MGMT: variants seen among roughly 807,000 people sequenced by gnomAD.
MGMT encodes O-6-methylguanine-DNA methyltransferase.
In MGMT, 14 loss-of-function variants were observed where a neutral mutation model predicts 15.9. The ratio of observed to expected loss-of-function variants is 0.88; its 90% CI spans 0.58 to 1.37. The LOEUF is 1.37. Among genes scored for constraint, MGMT ranks in the 40% most tolerant of loss-of-function variants. The pLI, the probability that MGMT is intolerant of heterozygous loss-of-function variation, is 0.00. For synonymous variants in MGMT, 130 were observed against 118.2 expected (o/e 1.10, Z -0.65); for missense variants, 282 against 268.1 (o/e 1.05, Z -0.36).
At chr10:129,613,860 G>A (rs1341224484) in intron 2 of MGMT, among the ~76,000 whole-genome samples, 1 of 152,192 alleles carries the variant, frequency 6.6e-6, no homozygotes, top group African/African-American at 2.4e-5. Context: ...TGCCTTTTGT[G>A]CCTATGGAAC....
chr10:129,756,104 G>A (rs1049485697), intron 3 of MGMT, among the ~76,000 whole-genome samples: 4 of 152,242 alleles, frequency 2.6e-5, no homozygotes, highest in Non-Finnish European at 4.4e-5. Flanking sequence ...GACCCTTGGC[G>A]GAGGATGCAC....
At chr10:129,475,673 C>T (rs1259963633) in intron 1 of MGMT, among the ~76,000 whole-genome samples, 1 of 152,182 alleles carries the variant, frequency 6.6e-6, no homozygotes, top group Non-Finnish European at 1.5e-5. Flanking sequence ...AGTGCCTCTG[C>T]AGGCCGTCAG....
rs553876786 is a variant in MGMT, at chr10:129,754,405, C to T, written c.275-4797C>T. Among the ~76,000 whole-genome samples the T allele has an allele frequency of 3.0e-4, 45 of 152,258 alleles. No homozygotes were observed. The South Asian group carries it at 9.4e-3, about 32-fold the overall frequency. ...TCGCCCACCTCTTAGGGGGAGCACA[C>T]CTCTTCCCATCAGAAAGGGACCATC... On this transcript the variant is annotated intron_variant, in intron 3 of 4. Transcript: ENST00000651593.
intron 2 of MGMT, among the ~76,000 whole-genome samples, chr10:129,653,434 C>T (rs1200665954): frequency 6.6e-6 from 1 of 152,236 alleles, no homozygotes; most frequent in Non-Finnish European, 1.5e-5. Context: ...TTGAGGTGAT[C>T]CTGTAATTGC....
intron 1 of MGMT, among the ~76,000 whole-genome samples, chr10:129,524,523 G>C (rs1056190978): frequency 6.8e-6 from 1 of 148,006 alleles, no homozygotes; most frequent in Non-Finnish European, 1.5e-5. Context: ...AAGTGGTAAA[G>C]CCTTTTATGA....
chr10:129,713,932 G>T (rs1366805365), intron 3 of MGMT, among the ~76,000 whole-genome samples: 1 of 152,218 alleles, frequency 6.6e-6, no homozygotes, highest in South Asian at 2.1e-4. Context: ...CATTGATGCT[G>T]TTCCCTTCCC....
At chr10:129,698,493 TTTACAGATATAC>T (rs1244939022) in intron 2 of MGMT, among the ~76,000 whole-genome samples, 1 of 152,180 alleles carries the variant, frequency 6.6e-6, no homozygotes, top group Non-Finnish European at 1.5e-5. Context: ...AGTTTATATC[TTTACAGATATAC>T]AAGCACTTTA....
chr10:129,571,131 C>T (rs930103940), intron 2 of MGMT, among the ~76,000 whole-genome samples: 7 of 152,088 alleles, frequency 4.6e-5, no homozygotes, highest in Admixed American at 3.9e-4. Flanking sequence ...TCCCTATTTC[C>T]GCAGTTCAAA....
intron 1 of MGMT, among the ~76,000 whole-genome samples, chr10:129,526,937 C>G (rs927149696): frequency 6.6e-6 from 1 of 152,194 alleles, no homozygotes; most frequent in South Asian, 2.1e-4. Context: ...GGAGATGAAA[C>G]GAAATTCATT....
chr10:129,509,005 CAAA>C (rs1267310271), intron 1 of MGMT, among the ~76,000 whole-genome samples: 3 of 152,134 alleles, frequency 2.0e-5, no homozygotes, highest in East Asian at 3.9e-4. Flanking sequence ...TCAGTAAAAT[CAAA>C]TAACTTGGCA....
At chr10:129,518,450 C>G in intron 1 of MGMT, among the ~76,000 whole-genome samples, 1 of 148,850 alleles carries the variant, frequency 6.7e-6, no homozygotes, top group Admixed American at 6.7e-5. Flanking sequence ...TCAGCCACCG[C>G]AGAGACAGCA....
At position 129,566,766 on chromosome 10, in the gene MGMT, C is replaced by T. The variant is rs1846359678; in HGVS notation, c.125+30389C>T. On this transcript the variant is annotated intron_variant, in intron 2 of 4. Transcript: ENST00000651593. The surrounding 1 kb of genome is among the most constrained non-coding windows in gnomAD (Gnocchi z 4.1). ...ATGAAGTTGGTATTCCTCAGCTCTG[C>T]CCCAGGGTCCCTCTGATTCCACGGA... Among the ~76,000 whole-genome samples, 1 of 152,114 alleles carries T rather than the reference C, an allele frequency of 6.6e-6. No individual in the cohort carries two copies. The highest frequency in any genetic ancestry group is 2.4e-5 in the African/African-American group (1 of 41,422).
intron 1 of MGMT, among the ~76,000 whole-genome samples, chr10:129,519,488 T>A (rs1351613249): frequency 6.6e-6 from 1 of 152,246 alleles, no homozygotes; most frequent in Non-Finnish European, 1.5e-5. Context: ...CTTCCTCTGC[T>A]GCGTGGCCTT....
intron 4 of MGMT, among the ~76,000 whole-genome samples, chr10:129,765,882 C>T (rs1156313796): frequency 6.6e-6 from 1 of 152,170 alleles, no homozygotes; most frequent in East Asian, 1.9e-4. Flanking sequence ...CACCTGCCCC[C>T]ACCCACCACA....
chr10:129,629,362 G>A (rs1243080421), intron 2 of MGMT, among the ~76,000 whole-genome samples: 2 of 152,130 alleles, frequency 1.3e-5, no homozygotes, highest in Non-Finnish European at 2.9e-5. Flanking sequence ...AGACACACTG[G>A]GGATGTGCTG....
chr10:129,531,231 C>T (rs995591635), intron 1 of MGMT, among the ~76,000 whole-genome samples: 6 of 152,108 alleles, frequency 3.9e-5, no homozygotes, highest in Non-Finnish European at 8.8e-5. Context: ...GGGTCTGGGG[C>T]ATGGCGGTAT....
intron 2 of MGMT, among the ~76,000 whole-genome samples, chr10:129,706,572 C>G (rs533479599): frequency 6.6e-6 from 1 of 152,288 alleles, no homozygotes; most frequent in African/African-American, 2.4e-5. Flanking sequence ...AACTTCCGTG[C>G]TCCAAGCCTG....
chr10:129,578,588 CAAGTT>C (rs2133044793), intron 2 of MGMT, among the ~76,000 whole-genome samples: 1 of 152,180 alleles, frequency 6.6e-6, no homozygotes, highest in African/African-American at 2.4e-5. Context: ...TGCTAAATGA[CAAGTT>C]AATGGGTGCA....
chr10:129,470,672 T>C (rs1845220512), intron 1 of MGMT, among the ~76,000 whole-genome samples: 1 of 152,164 alleles, frequency 6.6e-6, no homozygotes. Flanking sequence ...CCGAAGCTCC[T>C]CCAGCTAAGT....
Sources: gnomAD v4.1 joint callset for allele counts (sites outside exome capture counted in the v4.1 genomes callset) on GRCh38, gnomAD v4.1.1 for gene constraint, Gnocchi (gnomAD v3.1) non-coding constraint, MANE v1.5 for transcripts, NCBI Gene and HGNC (gene_info 2026-07-23, HGNC 2026-07-21) for gene names.